DYNC1I1: variants seen among roughly 807,000 people sequenced by gnomAD.
DYNC1I1 encodes cytoplasmic dynein 1 intermediate chain 1.
DYNC1I1 carries 43 observed loss-of-function variants against 86.6 expected under a neutral mutation model. That is an observed-to-expected ratio of 0.50 (90% CI 0.39 to 0.64). The LOEUF (loss-of-function observed/expected upper bound fraction) is 0.64. DYNC1I1 is among the 30% of genes least tolerant of loss of function. DYNC1I1 has a pLI of 0.00. For missense variants in DYNC1I1, 604 were observed against 788.8 expected (o/e 0.77, Z 2.81); for synonymous variants, 262 against 283.7 (o/e 0.92, Z 0.77).
chr7:96,091,461 C>T (rs1464416756), intron 16 of DYNC1I1, among the ~76,000 whole-genome samples: 3 of 152,086 alleles, frequency 2.0e-5, no homozygotes, highest in Non-Finnish European at 4.4e-5. Flanking sequence ...TATCTTGAAA[C>T]CTAGAGTCCT....
At chr7:95,815,529 G>GT (rs1168427958) in intron 4 of DYNC1I1, among the ~76,000 whole-genome samples, 2 of 152,012 alleles carry the variant, frequency 1.3e-5, no homozygotes, top group East Asian at 3.9e-4. Context: ...ACAAATTTAT[G>GT]TTTTTTTCTT....
At chr7:96,032,244 T>C (rs563755685) in intron 11 of DYNC1I1, among the ~76,000 whole-genome samples, 1 of 152,186 alleles carries the variant, frequency 6.6e-6, no homozygotes, top group Non-Finnish European at 1.5e-5. Flanking sequence ...CCAGATTTAG[T>C]AACATGTATT....
At chr7:95,784,067 C>T (rs1313894750) in intron 1 of DYNC1I1, among the ~76,000 whole-genome samples, 1 of 152,086 alleles carries the variant, frequency 6.6e-6, no homozygotes, top group Non-Finnish European at 1.5e-5. Context: ...TGGATGTGGG[C>T]TTAGTAATTC....
intron 16 of DYNC1I1, among the ~76,000 whole-genome samples, chr7:96,081,628 A>G (rs974276828): frequency 3.3e-5 from 5 of 152,202 alleles, no homozygotes; most frequent in South Asian, 2.1e-4. Flanking sequence ...ATTTGTATGC[A>G]TAGCATCCTA....
intron 16 of DYNC1I1, among the ~76,000 whole-genome samples, chr7:96,107,915 A>C: frequency 7.7e-6 from 1 of 129,908 alleles, no homozygotes. Flanking sequence ...ATCTCATCCC[A>C]TTGCCTTCCG....
intron 16 of DYNC1I1, among the ~76,000 whole-genome samples, chr7:96,096,028 A>G (rs1790994165): frequency 1.3e-5 from 2 of 152,124 alleles, no homozygotes; most frequent in Admixed American, 1.3e-4. Context: ...AAGAATTCTT[A>G]TTGGTACTGC....
At chr7:95,858,691 G>A (rs1344674677) in intron 5 of DYNC1I1, among the ~76,000 whole-genome samples, 1 of 151,538 alleles carries the variant, frequency 6.6e-6, no homozygotes, top group Non-Finnish European at 1.5e-5. Flanking sequence ...ATCTTATGGG[G>A]CCACCATCAT....
intron 4 of DYNC1I1, among the ~76,000 whole-genome samples, chr7:95,814,370 T>C (rs1794901360): frequency 6.6e-6 from 1 of 152,216 alleles, no homozygotes; most frequent in Non-Finnish European, 1.5e-5. Flanking sequence ...TAAAATGCTT[T>C]AATCAAGTTT....
chr7:96,099,191 C>T (rs1168448382), downstream of DYNC1I1, among the ~76,000 whole-genome samples: 1 of 152,110 alleles, frequency 6.6e-6, no homozygotes, highest in Non-Finnish European at 1.5e-5. Flanking sequence ...TTGAATGATT[C>T]GGTGAGTGAT....
chr7:95,829,684 C>A (rs11765657), intron 5 of DYNC1I1, among the ~76,000 whole-genome samples: 10,201 of 152,096 alleles, frequency 0.067, 460 homozygotes, highest in Non-Finnish European at 0.096. Flanking sequence ...AGCAAAAACT[C>A]ATGTTGACTA....
intron 5 of DYNC1I1, among the ~76,000 whole-genome samples, chr7:95,860,346 G>A (rs1399105836): frequency 6.6e-6 from 1 of 152,142 alleles, no homozygotes; most frequent in Non-Finnish European, 1.5e-5. Flanking sequence ...AGTGTAGAAG[G>A]AAGAAAATAG....
intron 5 of DYNC1I1, among the ~76,000 whole-genome samples, chr7:95,833,692 T>C (rs1352585800): frequency 1.2e-4 from 18 of 149,652 alleles, no homozygotes; most frequent in South Asian, 4.4e-4. Flanking sequence ...TCACGTCCCT[T>C]GTAAGTTGGA....
chr7:95,916,118 A>T (rs1021865734), intron 6 of DYNC1I1, among the ~76,000 whole-genome samples: 22 of 152,218 alleles, frequency 1.4e-4, no homozygotes, highest in African/African-American at 5.1e-4. Context: ...AACATCTAGA[A>T]GTCATACTGG....
At chr7:95,810,557 A>C in intron 3 of DYNC1I1, 51 bp downstream of exon 3, 1 of 1,478,626 alleles carries the variant, frequency 6.8e-7, no homozygotes. Context: ...CTTGCGTGGG[A>C]TATACCATGT....
rs73393082 is a variant in DYNC1I1, at chr7:95,961,329, G to A, written c.491-16183G>A. ...GCCCTTCAACTTCATGGATGGCAAT[G>A]GCTCATCCATTCAGTGAAAAAACTA... On this transcript the variant is annotated intron_variant, in intron 6 of 16. Transcript: ENST00000447467. Among the ~76,000 whole-genome samples the A allele has an allele frequency of 2.0e-3, 311 of 152,174 alleles. 1 individual carries two copies. Among genetic ancestry groups the A allele is most frequent in the African/African-American group, 7.3e-3 (301 of 41,506 alleles).
intron 6 of DYNC1I1, among the ~76,000 whole-genome samples, chr7:95,917,351 C>T (rs549135690): frequency 3.2e-4 from 49 of 152,102 alleles, no homozygotes; most frequent in Non-Finnish European, 5.9e-4. Context: ...CTTTTATATC[C>T]CTTCCAGCAC....
intron 2 of DYNC1I1, among the ~76,000 whole-genome samples, chr7:95,809,273 T>C (rs973981121): frequency 2.6e-5 from 4 of 152,190 alleles, no homozygotes; most frequent in Admixed American, 6.6e-5. Context: ...TTGCATAAAC[T>C]CTTTCTGCTT....
intron 14 of DYNC1I1, among the ~76,000 whole-genome samples, chr7:96,058,545 A>G (rs2116151767): frequency 6.6e-6 from 1 of 152,322 alleles, no homozygotes; most frequent in South Asian, 2.1e-4. Flanking sequence ...TGGGAGTATC[A>G]CAGTGACAAG....
intron 14 of DYNC1I1, among the ~76,000 whole-genome samples, chr7:96,054,751 G>T (rs186788695): frequency 1.3e-5 from 2 of 152,176 alleles, no homozygotes; most frequent in South Asian, 2.1e-4. Flanking sequence ...ATGTTTGTTG[G>T]CCACATAAAT....
Sources: allele counts gnomAD v4.1 joint callset (sites outside exome capture counted in the v4.1 genomes callset), GRCh38; gene constraint gnomAD v4.1.1; transcripts MANE v1.5; gene names NCBI Gene and HGNC (gene_info 2026-07-23, HGNC 2026-07-21).